SENP5: variants seen among roughly 807,000 people sequenced by gnomAD.
The protein encoded by SENP5 is SUMO specific peptidase 5.
A neutral mutation model predicts 74.2 loss-of-function variants in SENP5; 21 were observed. That is an observed-to-expected ratio of 0.28 (90% CI 0.20 to 0.41). The LOEUF (loss-of-function observed/expected upper bound fraction) is 0.41, where lower values mean the gene tolerates loss of function less well. SENP5 is among the 10% of genes least tolerant of loss of function. SENP5 has a pLI of 1.00. For missense variants in SENP5, 717 were observed against 889.1 expected (o/e 0.81, Z 2.46); for synonymous variants, 311 against 312.7 (o/e 0.99, Z 0.06).
chr3:196,888,339 T>C (rs1455971581), intron 2 of SENP5, among the ~76,000 whole-genome samples: 1 of 151,992 alleles, frequency 6.6e-6, no homozygotes, highest in Non-Finnish European at 1.5e-5. Flanking sequence ...TCCCAACACT[T>C]TGGGAGGCCG....
intron 7 of SENP5, among the ~76,000 whole-genome samples, chr3:196,927,019 G>A (rs1715841191): frequency 1.3e-5 from 2 of 152,250 alleles, no homozygotes; most frequent in Non-Finnish European, 2.9e-5. Context: ...GGAGAGAGAC[G>A]CACAGAGGTT....
At chr3:196,923,300 T>G (rs1430648813) in intron 6 of SENP5, 114 bp from the exon 7 acceptor site, 4 of 1,129,980 alleles carry the variant, frequency 3.5e-6, no homozygotes, top group Admixed American at 5.0e-5. Context: ...GGTTCATTGC[T>G]TCCTACTTTT....
In SENP5 at chr3:196,899,643, TTTTC is replaced by T. The variant is rs762650157; in HGVS notation, c.1514-16_1514-13del. ...AAATGGCTTGTTTTTCCATCTTAAC[TTTTC>T]TTTCTTCCTTTATTTAAGGATTCCT... On this transcript the variant is annotated intron_variant, in intron 2 of 9. Transcript: ENST00000323460. The T allele has an allele frequency of 1.3e-6, 2 of 1,490,806 alleles. No individual in the cohort carries two copies. Among genetic ancestry groups the T allele is most frequent in the African/African-American group, 2.8e-5 (2 of 72,242 alleles). 92.3% of individuals were successfully genotyped at this position (1,490,806 alleles called of 1,614,324 possible). A position where few individuals can be genotyped will look rare whatever the true frequency, so the allele number is the denominator to read the frequency against.
intron 6 of SENP5, among the ~76,000 whole-genome samples, chr3:196,920,206 A>C (rs528243128): frequency 1.3e-5 from 2 of 152,336 alleles, no homozygotes; most frequent in South Asian, 4.1e-4. Flanking sequence ...CATGGTATAT[A>C]TCTTTGCATT....
chr3:196,922,055 T>C (rs1715639012), intron 6 of SENP5, among the ~76,000 whole-genome samples: 1 of 152,214 alleles, frequency 6.6e-6, no homozygotes, highest in Admixed American at 6.5e-5. Flanking sequence ...TGTGTTAGGA[T>C]TGTAAAGGAT....
At chr3:196,925,636 A>G (rs1715784589) in intron 7 of SENP5, among the ~76,000 whole-genome samples, 1 of 152,228 alleles carries the variant, frequency 6.6e-6, no homozygotes, top group African/African-American at 2.4e-5. Flanking sequence ...TAGGGGCCAG[A>G]GAAACATTCG....
Position 196,932,965 on chromosome 3 carries a change from C to T in SENP5, c.*2042C>T, listed in dbSNP as rs1367451282. 2 of 149,048 alleles carry T rather than the reference C, an allele frequency of 1.3e-5. No homozygotes were observed. Among genetic ancestry groups the T allele is most frequent in the Non-Finnish European group, 3.0e-5 (2 of 67,586 alleles). The allele number at this position is 149,048 out of a possible 1,614,324, so 9.2% of individuals were successfully genotyped here. A position where few individuals can be genotyped will look rare whatever the true frequency, so the allele number is the denominator to read the frequency against. ...TTCCAGTCTCATGCTTCATAGGGCA[C>T]CTTGAGGTGTGCTGCCCAGTGTGGC... is the stretch of plus-strand genomic sequence containing the variant. On this transcript the variant is annotated 3_prime_UTR_variant, in exon 10 of 10. Transcript: ENST00000323460.
intron 1 of SENP5, among the ~76,000 whole-genome samples, chr3:196,882,414 A>C (rs1713766469): frequency 2.0e-5 from 3 of 152,022 alleles, no homozygotes; most frequent in Non-Finnish European, 4.4e-5. Context: ...TTGGTTTATA[A>C]AAGTTGACTT....
chr3:196,895,269 G>A (rs912829258), intron 2 of SENP5, among the ~76,000 whole-genome samples: 1 of 147,838 alleles, frequency 6.8e-6, no homozygotes, highest in Non-Finnish European at 1.5e-5. Context: ...TCAGCTCGCT[G>A]CAAGCTCCGC....
intron 6 of SENP5, among the ~76,000 whole-genome samples, chr3:196,909,118 A>G (rs1394523854): frequency 6.6e-6 from 1 of 152,212 alleles, no homozygotes. Context: ...TTACTATCAG[A>G]GAATACTATA....
chr3:196,878,861 G>C (rs1248738178), intron 1 of SENP5, among the ~76,000 whole-genome samples: 1 of 152,146 alleles, frequency 6.6e-6, no homozygotes, highest in East Asian at 1.9e-4. Flanking sequence ...CAAAGTGCTG[G>C]TAGTACAGGC....
chr3:196,870,323 T>C (rs114563676), intron 1 of SENP5, among the ~76,000 whole-genome samples: 3,205 of 152,180 alleles, frequency 0.021, 132 homozygotes, highest in African/African-American at 0.071. Context: ...TTAAGGTAAA[T>C]AGGCCATCAG....
At position 196,933,765 on chromosome 3, in the gene SENP5, TAA is replaced by T. The variant is rs1180914333; in HGVS notation, c.*2843_*2844del. ...ACAGGTGTGCGCCACCACTCCCAGC[TAA>T]TTTTTGTATTTTTAGTAGAGACAGG... On this transcript the variant is annotated 3_prime_UTR_variant, in exon 10 of 10. Transcript: ENST00000323460. 6.6e-6 allele frequency: 1 copy of T among 152,096 alleles called. No individual in the cohort carries two copies. The allele number at this position is 152,096 out of a possible 1,614,324, so 9.4% of individuals were successfully genotyped here.
chr3:196,897,283 A>G, intron 2 of SENP5, among the ~76,000 whole-genome samples: 1 of 152,194 alleles, frequency 6.6e-6, no homozygotes, highest in East Asian at 1.9e-4. Context: ...ATGTAGACAC[A>G]AGGTTATGAT....
chr3:196,868,880 A>ATGTTTTTTGTTTGTT (rs1553816680), intron 1 of SENP5, among the ~76,000 whole-genome samples: 115 of 142,326 alleles, frequency 8.1e-4, no homozygotes, highest in Middle Eastern at 7.1e-3. Flanking sequence ...GTTCCTACTT[A>ATGTTTTTTGTTTGTT]TGTTTTTTTT....
At chr3:196,874,907 C>T (rs575824518) in intron 1 of SENP5, among the ~76,000 whole-genome samples, 1 of 152,090 alleles carries the variant, frequency 6.6e-6, no homozygotes, top group Admixed American at 6.5e-5. Flanking sequence ...TGGGCTATTG[C>T]CCTAGGGTAC....
At chr3:196,877,003 A>G (rs1713505736) in intron 1 of SENP5, among the ~76,000 whole-genome samples, 1 of 151,872 alleles carries the variant, frequency 6.6e-6, no homozygotes, top group Non-Finnish European at 1.5e-5. Flanking sequence ...TGCCACCCAC[A>G]TTGCTTACTT....
At chr3:196,908,723 C>T (rs1414043993) in intron 6 of SENP5, among the ~76,000 whole-genome samples, 5 of 151,892 alleles carry the variant, frequency 3.3e-5, no homozygotes, top group African/African-American at 9.7e-5. Flanking sequence ...CTTGGGAGGC[C>T]GAGGTAGGAG....
chr3:196,914,586 A>AAATATATATATATAT, intron 6 of SENP5: 7 of 33,500 alleles, frequency 2.1e-4, no homozygotes, highest in Admixed American at 6.3e-4. Context: ...AAAAAAAAAA[A>AAATATATATATATAT]ATATATATAT....
Sources: gnomAD v4.1 joint callset for allele counts (sites outside exome capture counted in the v4.1 genomes callset) on GRCh38, gnomAD v4.1.1 for gene constraint, MANE v1.5 for transcripts, NCBI Gene and HGNC (gene_info 2026-07-23, HGNC 2026-07-21) for gene names.